Variants in RARB observed in about 807,000 individuals in gnomAD.
The protein encoded by RARB is HBV-activated protein.
A neutral mutation model predicts 51.9 loss-of-function variants in RARB; 17 were observed. The observed-to-expected ratio is 0.33, with a 90% confidence interval of 0.22 to 0.49. The LOEUF (loss-of-function observed/expected upper bound fraction) is 0.49, where lower values mean the gene tolerates loss of function less well. Among genes scored for constraint, RARB ranks in the 20% least tolerant of loss-of-function variants. The probability of loss-of-function intolerance (pLI) is 0.99; values close to 1 mark genes in which losing one functional copy is unlikely to be tolerated. For synonymous variants in RARB, 215 were observed against 195.4 expected (o/e 1.10, Z -0.84); for missense variants, 369 against 550.8 (o/e 0.67, Z 3.30).
chr3:25,134,247 G>C (rs1699996776), intron 4 of RARB, among the ~76,000 whole-genome samples: 1 of 151,840 alleles, frequency 6.6e-6, no homozygotes, highest in South Asian at 2.1e-4. Flanking sequence ...ATATTTAGTA[G>C]AGTGTTGTAA....
rs1312237939 is a variant in RARB at position 25,107,040 on chromosome 3, A to G, written c.-327-25121A>G. On this transcript the variant is annotated intron_variant, in intron 3 of 11. Transcript: ENST00000383772. ...CTCAGCCTCCCGAATAGCTGGGATT[A>G]CAGGTAAGCACCACTATACCCAGCT... Among the ~76,000 whole-genome samples the G allele has an allele frequency of 2.0e-5, 3 of 152,216 alleles. No individual in the cohort carries two copies. In the East Asian group the frequency reaches 5.8e-4, roughly 29 times the overall value.
upstream of RARB, among the ~76,000 whole-genome samples, chr3:25,426,982 G>A (rs1162531532): frequency 6.6e-6 from 1 of 152,214 alleles, no homozygotes; most frequent in African/African-American, 2.4e-5. Flanking sequence ...AAAGGATTGG[G>A]CAGGGGCTGG....
intron 5 of RARB, among the ~76,000 whole-genome samples, chr3:25,373,268 G>C (rs1363394906): frequency 6.6e-6 from 1 of 152,084 alleles, no homozygotes; most frequent in Non-Finnish European, 1.5e-5. Context: ...ATTTCTGAGA[G>C]AGAAAGAAAG....
At chr3:25,203,009 T>G (rs867049809) in intron 5 of RARB, among the ~76,000 whole-genome samples, 1 of 152,204 alleles carries the variant, frequency 6.6e-6, no homozygotes, top group Non-Finnish European at 1.5e-5. Context: ...TCTGTCTCAT[T>G]GATCTGTCTA....
intron 1 of RARB, among the ~76,000 whole-genome samples, chr3:25,433,935 G>A (rs79026667): frequency 0.092 from 13,983 of 152,236 alleles, 674 homozygotes; most frequent in Middle Eastern, 0.16. Context: ...TTTGTCTTGA[G>A]CTTTCAGAGC....
intron 5 of RARB, among the ~76,000 whole-genome samples, chr3:25,322,254 A>G (rs1284008059): frequency 1.3e-5 from 2 of 152,160 alleles, no homozygotes; most frequent in African/African-American, 2.4e-5. Flanking sequence ...CATTCCTTCC[A>G]CCAAAATAAA....
chr3:25,208,071 T>C (rs1701598572), intron 5 of RARB, among the ~76,000 whole-genome samples: 1 of 152,108 alleles, frequency 6.6e-6, no homozygotes, highest in Non-Finnish European at 1.5e-5. Flanking sequence ...CAACCGGATC[T>C]CATGAGTACT....
At chr3:25,032,765 C>A (rs768387956) in intron 2 of RARB, among the ~76,000 whole-genome samples, 1 of 152,162 alleles carries the variant, frequency 6.6e-6, no homozygotes, top group Non-Finnish European at 1.5e-5. Context: ...TGCAACTGAA[C>A]CCACCCTTTG....
At chr3:25,151,999 TGAAAA>T (rs1391746350) in intron 4 of RARB, among the ~76,000 whole-genome samples, 6 of 152,308 alleles carry the variant, frequency 3.9e-5, no homozygotes, top group East Asian at 3.9e-4. Flanking sequence ...CCCTCTCTCT[TGAAAA>T]GAAAAAGTTT....
At chr3:25,201,994 A>G (rs1381708159) in intron 5 of RARB, among the ~76,000 whole-genome samples, 1 of 152,182 alleles carries the variant, frequency 6.6e-6, no homozygotes, top group Non-Finnish European at 1.5e-5. Flanking sequence ...TGATTGGAAT[A>G]GTTTCAGAAG....
chr3:25,320,462 A>G (rs1184405041), intron 5 of RARB, among the ~76,000 whole-genome samples: 3 of 152,106 alleles, frequency 2.0e-5, no homozygotes, highest in African/African-American at 7.2e-5. Context: ...AGGACATACA[A>G]CCGAAAGTTT....
chr3:25,580,361 G>A (rs935337698), intron 4 of RARB, among the ~76,000 whole-genome samples, 185 bp from the exon 5 acceptor site: 29 of 152,270 alleles, frequency 1.9e-4, no homozygotes, highest in African/African-American at 5.8e-4. Context: ...GTGACAGAGC[G>A]AGACTCCGTC....
chr3:25,160,826 A>C (rs1700462046), intron 4 of RARB, among the ~76,000 whole-genome samples: 1 of 152,090 alleles, frequency 6.6e-6, no homozygotes, highest in Non-Finnish European at 1.5e-5. Flanking sequence ...TTCAGCTTCT[A>C]GTGGCTTCCC....
At chr3:24,829,586 G>C (rs924049600) in intron 1 of RARB, among the ~76,000 whole-genome samples, 1 of 152,220 alleles carries the variant, frequency 6.6e-6, no homozygotes, top group South Asian at 2.1e-4. Flanking sequence ...GGGTTGGGGG[G>C]TCTGCAGCGG....
chr3:25,429,416 A>G (rs1028430384), intron 1 of RARB, among the ~76,000 whole-genome samples: 2 of 152,206 alleles, frequency 1.3e-5, no homozygotes, highest in Non-Finnish European at 2.9e-5. Context: ...CCCGAAGTTC[A>G]TAAACCACCA....
At chr3:25,454,201 A>C (rs544035980) in intron 1 of RARB, among the ~76,000 whole-genome samples, 23 of 152,376 alleles carry the variant, frequency 1.5e-4, no homozygotes, top group Non-Finnish European at 3.4e-4. Context: ...ATAGCGGAGA[A>C]TCTGGTTCTA....
chr3:24,829,588 C>G (rs1462963245), intron 1 of RARB, among the ~76,000 whole-genome samples: 3 of 152,190 alleles, frequency 2.0e-5, no homozygotes, highest in Non-Finnish European at 4.4e-5. Context: ...GTTGGGGGGT[C>G]TGCAGCGGGA....
chr3:25,157,182 GTGTTT>G (rs1700388542), intron 4 of RARB, among the ~76,000 whole-genome samples: 1 of 152,262 alleles, frequency 6.6e-6, no homozygotes, highest in East Asian at 1.9e-4. Context: ...ATGGGAAAAA[GTGTTT>G]TGTTCTGTTT....
intron 5 of RARB, among the ~76,000 whole-genome samples, chr3:25,395,728 T>C (rs1707095830): frequency 1.3e-5 from 2 of 152,144 alleles, no homozygotes; most frequent in African/African-American, 4.8e-5. Context: ...TTCTCTATGC[T>C]ATCTATTTCT....
Sources: allele counts gnomAD v4.1 joint callset (sites outside exome capture counted in the v4.1 genomes callset), GRCh38; gene constraint gnomAD v4.1.1; transcripts MANE v1.5; gene names NCBI Gene and HGNC (gene_info 2026-07-23, HGNC 2026-07-21).